Variants in TRIM5 observed in about 807,000 individuals in gnomAD.
The protein encoded by TRIM5 is tripartite motif-containing protein 5.
In TRIM5, 31 loss-of-function variants were observed where a neutral mutation model predicts 35.6. That is an observed-to-expected ratio of 0.87 (90% CI 0.65 to 1.18). The LOEUF (loss-of-function observed/expected upper bound fraction) is 1.18, where lower values mean the gene tolerates loss of function less well. Among genes scored for constraint, TRIM5 ranks in the 50% most tolerant of loss-of-function variants. TRIM5 has a pLI of 0.00. For missense variants in TRIM5, 609 were observed against 591.6 expected, an observed-to-expected ratio of 1.03 and a Z score of -0.31; for synonymous variants, 243 against 215.6, an observed-to-expected ratio of 1.13 and a Z score of -1.11.
the TRIM5 span, among the ~76,000 whole-genome samples, chr11:5,633,197 G>T: frequency 6.9e-6 from 1 of 144,008 alleles, no homozygotes; most frequent in African/African-American, 2.6e-5. Context: ...TCACCTGGGT[G>T]CAGGCGGACT....
chr11:5,635,351 G>C, the TRIM5 span, among the ~76,000 whole-genome samples: 1 of 150,614 alleles, frequency 6.6e-6, no homozygotes, highest in Non-Finnish European at 1.5e-5. Context: ...CGCCTCCCAG[G>C]TTCACGCCAT....
chr11:5,595,903 A>C, the TRIM5 span, among the ~76,000 whole-genome samples: 1 of 151,952 alleles, frequency 6.6e-6, no homozygotes, highest in African/African-American at 2.4e-5. Context: ...GGATGGTCTC[A>C]ATCTCCTGAC....
chr11:5,665,909 A>C, intron 6 of TRIM5, 72 bp downstream of exon 6: 2 of 1,448,858 alleles, frequency 1.4e-6, no homozygotes, highest in Non-Finnish European at 1.9e-6. Flanking sequence ...TGGAAACTGC[A>C]CCCTCTTCCC....
the TRIM5 span, chr11:5,643,392 C>T: frequency 3.7e-6 from 6 of 1,613,912 alleles, no homozygotes; most frequent in Middle Eastern, 1.6e-4. Flanking sequence ...ATGTGCAAAT[C>T]GTCAAAATCT....
chr11:5,655,550 T>A, the TRIM5 span: 2 of 803,234 alleles, frequency 2.5e-6, no homozygotes, highest in Non-Finnish European at 3.0e-6. Context: ...TGCCAAAATA[T>A]GTATTATTTC....
the TRIM5 span, among the ~76,000 whole-genome samples, chr11:5,621,054 C>G: frequency 6.6e-6 from 1 of 152,208 alleles, no homozygotes; most frequent in Non-Finnish European, 1.5e-5. Context: ...GGCAGTTTCT[C>G]TATGTGTAGA....
At chr11:5,675,036 C>CTT (rs112226102) in intron 4 of TRIM5, among the ~76,000 whole-genome samples, 33 of 148,956 alleles carry the variant, frequency 2.2e-4, no homozygotes, top group African/African-American at 3.7e-4. Context: ...GAGCAGTTTT[C>CTT]TTTTTTTTTT....
the TRIM5 span, among the ~76,000 whole-genome samples, chr11:5,594,568 A>G: frequency 2.0e-5 from 3 of 152,108 alleles, no homozygotes; most frequent in African/African-American, 7.2e-5. Context: ...CGGCCTCCCA[A>G]AATGCTGGGA....
the TRIM5 span, chr11:5,643,026 A>C: frequency 2.3e-6 from 3 of 1,289,962 alleles, no homozygotes; most frequent in Non-Finnish European, 3.1e-6. Flanking sequence ...GTCACTTCCC[A>C]AGTTCGTTCA....
chr11:5,632,549 A>C, the TRIM5 span: 2 of 1,614,022 alleles, frequency 1.2e-6, no homozygotes, highest in South Asian at 2.2e-5. Flanking sequence ...GCTAATCAGC[A>C]TCTGGCCAAC....
the TRIM5 span, among the ~76,000 whole-genome samples, chr11:5,592,349 A>C: frequency 6.6e-6 from 1 of 152,152 alleles, no homozygotes; most frequent in Non-Finnish European, 1.5e-5. Context: ...ATATACTTGC[A>C]TATTTAGTCT....
intron 4 of TRIM5, among the ~76,000 whole-genome samples, chr11:5,672,482 A>C (rs948620244): frequency 6.6e-6 from 1 of 152,170 alleles, no homozygotes; most frequent in African/African-American, 2.4e-5. Context: ...AATTGCTGAG[A>C]TTACAGGTGT....
At chr11:5,596,996 C>G in the TRIM5 span, 1 of 1,606,214 alleles carries the variant, frequency 6.2e-7, no homozygotes, top group Non-Finnish European at 8.5e-7. Flanking sequence ...AAGGTCCTTT[C>G]CCTTTCGGAA....
chr11:5,657,583 A>G, the TRIM5 span, among the ~76,000 whole-genome samples: 8 of 100,906 alleles, frequency 7.9e-5, no homozygotes, highest in Non-Finnish European at 1.5e-4. Flanking sequence ...TATATTATAT[A>G]TAATGCATTA....
chr11:5,678,360 C>G lies in TRIM5; in HGVS notation c.588G>C (p.Glu196Asp). 1 of 1,612,928 alleles carries G rather than the reference C, an allele frequency of 6.2e-7. No homozygotes were observed. Residue 196 changes from glutamate to aspartate, a missense_variant, in exon 4 of 8, where the codon GAG (glutamate) becomes GAC (aspartate). Physicochemically the swap from Glu to Asp is conservative, Grantham distance 45 (BLOSUM62 2). Coordinates refer to ENST00000380034, the MANE Select transcript of TRIM5 (RefSeq NM_033034.3). ...TCTCCAGGTTTTGCAGCTCATTGCT[C>G]TCCTCCCAGTCCAGGATGTCTCTCA... is the stretch of plus-strand genomic sequence containing the variant. ...EQLRDILDWE[E>D]SNELQNLEKE...
chr11:5,662,421 A>G (rs967439269), downstream of TRIM5, among the ~76,000 whole-genome samples: 4 of 151,210 alleles, frequency 2.6e-5, no homozygotes, highest in Admixed American at 6.6e-5. Flanking sequence ...TTTGTCATTT[A>G]TGAAAATTAC....
chr11:5,600,299 T>C, the TRIM5 span, among the ~76,000 whole-genome samples: 4 of 152,222 alleles, frequency 2.6e-5, no homozygotes, highest in East Asian at 7.7e-4. Flanking sequence ...AATGTTGTTA[T>C]GTGGAATTAT....
intron 1 of TRIM5, among the ~76,000 whole-genome samples, chr11:5,682,566 A>C (rs1343856436): frequency 1.3e-5 from 2 of 152,158 alleles, no homozygotes; most frequent in Non-Finnish European, 2.9e-5. Context: ...AAGAAGCCAG[A>C]CTGCCCAGCA....
At chr11:5,622,877 T>G in the TRIM5 span, among the ~76,000 whole-genome samples, 2 of 152,200 alleles carry the variant, frequency 1.3e-5, no homozygotes, top group African/African-American at 2.4e-5. Flanking sequence ...CCTGACAACA[T>G]GTACCCAAGG....
Sources: allele counts gnomAD v4.1 joint callset (sites outside exome capture counted in the v4.1 genomes callset), GRCh38; gene constraint gnomAD v4.1.1; transcripts MANE v1.5; gene names NCBI Gene and HGNC (gene_info 2026-07-23, HGNC 2026-07-21).